RUFY4: variants seen among roughly 807,000 people sequenced by gnomAD.
RUFY4 encodes RUN and FYVE domain-containing protein 4.
A neutral mutation model predicts 69.0 loss-of-function variants in RUFY4; 73 were observed. The ratio of observed to expected loss-of-function variants is 1.06; its 90% CI spans 0.88 to 1.29. The LOEUF is 1.29. Among genes scored for constraint, RUFY4 ranks in the 50% most tolerant of loss-of-function variants. The pLI is 0.00. For missense variants in RUFY4, 770 were observed against 705.6 expected, an observed-to-expected ratio of 1.09 and a Z score of -1.03; for synonymous variants, 287 against 271.8, an observed-to-expected ratio of 1.06 and a Z score of -0.55.
intron 2 of RUFY4, among the ~76,000 whole-genome samples, chr2:218,038,061 T>C (rs1196784744): frequency 1.3e-5 from 2 of 152,244 alleles, no homozygotes; most frequent in Non-Finnish European, 2.9e-5. Flanking sequence ...TTTGTTCTTC[T>C]TGATCTTGGT....
At chr2:218,057,503 C>G (rs1689089255) in intron 2 of RUFY4, among the ~76,000 whole-genome samples, 1 of 152,108 alleles carries the variant, frequency 6.6e-6, no homozygotes, top group African/African-American at 2.4e-5. Flanking sequence ...ATATACCTAC[C>G]TCATTAATTT....
At chr2:218,088,558 T>C (rs115096780) in intron 9 of RUFY4, among the ~76,000 whole-genome samples, 1,602 of 152,250 alleles carry the variant, frequency 0.011, 48 homozygotes, top group African/African-American at 0.036. Context: ...AAGTGCCAGA[T>C]AAGAGACAGT....
chr2:218,037,426 C>T (rs1393287249), intron 2 of RUFY4, among the ~76,000 whole-genome samples: 1 of 152,164 alleles, frequency 6.6e-6, no homozygotes, highest in African/African-American at 2.4e-5. Flanking sequence ...TCTACATTCA[C>T]TCTCATTTCT....
chr2:218,060,825 T>A, intron 3 of RUFY4: 4 of 1,581,870 alleles, frequency 2.5e-6, no homozygotes, highest in Non-Finnish European at 3.5e-6. Flanking sequence ...GTTGCCCATG[T>A]CCTCATAGCA....
chr2:218,082,229 A>G (rs1198060552), intron 8 of RUFY4, among the ~76,000 whole-genome samples: 1 of 152,246 alleles, frequency 6.6e-6, no homozygotes, highest in Non-Finnish European at 1.5e-5. Flanking sequence ...CCATATTTTT[A>G]CTATTACTTT....
At chr2:218,036,635 A>G (rs988428156) in intron 2 of RUFY4, among the ~76,000 whole-genome samples, 19 of 152,238 alleles carry the variant, frequency 1.2e-4, no homozygotes, top group African/African-American at 4.6e-4. Context: ...CACAGAAGCT[A>G]CTGGCTGTGA....
At chr2:218,052,820 C>T (rs1419647397) in intron 2 of RUFY4, among the ~76,000 whole-genome samples, 4 of 138,278 alleles carry the variant, frequency 2.9e-5, no homozygotes, top group African/African-American at 7.6e-5. Context: ...TGAAAGTCAT[C>T]CCTAAGGCAG....
At chr2:218,047,899 T>C (rs569334313) in intron 2 of RUFY4, among the ~76,000 whole-genome samples, 1 of 152,334 alleles carries the variant, frequency 6.6e-6, no homozygotes, top group South Asian at 2.1e-4. Flanking sequence ...AATCTATAAG[T>C]CTATCCTATT....
chr2:218,064,556 C>T (rs1385784896), upstream of RUFY4, among the ~76,000 whole-genome samples: 1 of 152,098 alleles, frequency 6.6e-6, no homozygotes, highest in South Asian at 2.1e-4. Flanking sequence ...TACTGAGGTC[C>T]GGGGAGAGCT....
intron 2 of RUFY4, 117 bp from the exon 5 acceptor site, chr2:218,072,257 C>T (rs1574509516): frequency 7.8e-7 from 1 of 1,281,174 alleles, no homozygotes; most frequent in Non-Finnish European, 1.1e-6. Context: ...GGTCTGGATG[C>T]CGGGTGTGTC....
intron 2 of RUFY4, among the ~76,000 whole-genome samples, chr2:218,044,987 T>A (rs1688793673): frequency 5.9e-5 from 9 of 152,206 alleles, no homozygotes; most frequent in Admixed American, 5.9e-4. Flanking sequence ...GAATTGTATT[T>A]GTGTTTTTCG....
chr2:218,050,170 T>C (rs927112222), intron 2 of RUFY4, among the ~76,000 whole-genome samples: 6 of 152,314 alleles, frequency 3.9e-5, no homozygotes, highest in Non-Finnish European at 5.9e-5. Flanking sequence ...CCCATAAAAA[T>C]CCCAGACTCA....
intron 2 of RUFY4, among the ~76,000 whole-genome samples, chr2:218,041,698 T>C (rs1688701655): frequency 6.6e-6 from 1 of 152,160 alleles, no homozygotes; most frequent in Non-Finnish European, 1.5e-5. Context: ...ATGATTGAGG[T>C]AAGTTTTGTT....
chr2:218,083,422 C>G (rs1689815531), intron 9 of RUFY4, among the ~76,000 whole-genome samples, 166 bp downstream of exon 11: 1 of 152,054 alleles, frequency 6.6e-6, no homozygotes, highest in South Asian at 2.1e-4. Context: ...GCTGTTATCC[C>G]CATTTTACAG....
chr2:218,072,322 G>A lies in RUFY4; in HGVS notation c.154-52G>A, dbSNP rs575552758. On this transcript the variant is annotated intron_variant, in intron 2 of 10. Transcript: ENST00000344321. The stretch of plus-strand genomic sequence containing the variant: ...CCCTCAGCAAGCTAGAATGCAGGGC[G>A]TGTTCTGGGAGGAAGCATTTCTACA... The A allele has an allele frequency of 1.3e-5, 20 of 1,528,368 alleles. No individual in the cohort carries two copies. The East Asian group carries it at 1.5e-4, about 11-fold the overall frequency. 94.7% of individuals were successfully genotyped at this position (1,528,368 alleles called of 1,614,324 possible).
chr2:218,060,213 C>T lies in RUFY4; in HGVS notation c.-1071+1532C>T, dbSNP rs114305842. 264 of 895,746 alleles carry T rather than the reference C, an allele frequency of 2.9e-4. 1 individual carries two copies. Among genetic ancestry groups the T allele is most frequent in the African/African-American group, 2.6e-3 (158 of 60,624 alleles). 55.5% of individuals were successfully genotyped at this position (895,746 alleles called of 1,614,324 possible). Reference sequence around the variant, plus strand: ...ACTAGTAAGAACGTGGCCTCCTCTGCTTCCTGCGACCACAGTGGGGGCTGC... The same window carrying T: ...ACTAGTAAGAACGTGGCCTCCTCTGTTTCCTGCGACCACAGTGGGGGCTGC... On this transcript the variant is annotated intron_variant and NMD_transcript_variant, in intron 3 of 13. Transcript: ENST00000457754.
chr2:218,054,572 AG>A (rs1298999000), intron 2 of RUFY4, among the ~76,000 whole-genome samples: 2 of 151,648 alleles, frequency 1.3e-5, no homozygotes, highest in Non-Finnish European at 2.9e-5. Context: ...AAAAAAAAAA[AG>A]ATCAGTGGAC....
At chr2:218,089,974 C>G (rs200265451) in exon 11 of RUFY4, 1 of 1,565,356 alleles carries the variant, frequency 6.4e-7, no homozygotes, top group Admixed American at 1.9e-5. Flanking sequence ...CCTGCTCTGC[C>G]ATGCTTGCTC....
At chr2:218,062,465 C>T (rs1215868535) in intron 3 of RUFY4, among the ~76,000 whole-genome samples, 4 of 151,384 alleles carry the variant, frequency 2.6e-5, no homozygotes, top group Non-Finnish European at 5.9e-5. Flanking sequence ...GTAATCCCAG[C>T]ACTCTGGGAG....
Sources: gnomAD v4.1 joint callset for allele counts (sites outside exome capture counted in the v4.1 genomes callset) on GRCh38, gnomAD v4.1.1 for gene constraint, MANE v1.5 for transcripts, NCBI Gene and HGNC (gene_info 2026-07-23, HGNC 2026-07-21) for gene names.